Variants in DNM1 observed in about 807,000 individuals in gnomAD.
DNM1 encodes dynamin 1.
DNM1 carries 29 observed loss-of-function variants against 104.6 expected under a neutral mutation model. The ratio of observed to expected loss-of-function variants is 0.28; its 90% confidence interval spans 0.21 to 0.38. DNM1 has a LOEUF of 0.38. Among genes scored for constraint, DNM1 ranks in the 10% least tolerant of loss-of-function variants. DNM1 has a pLI of 1.00. For missense variants in DNM1, 640 were observed against 1,189.4 expected, an observed-to-expected ratio of 0.54 and a Z score of 6.79; for synonymous variants, 445 against 475.8, an observed-to-expected ratio of 0.94 and a Z score of 0.84.
Position 128,218,910 on chromosome 9 carries a change from C to A in DNM1, c.386-139C>A. The A allele has an allele frequency of 7.8e-7, 1 of 1,280,718 alleles. No individual in the cohort carries two copies. 79.3% of individuals were successfully genotyped at this position (1,280,718 alleles called of 1,614,324 possible). A position where few individuals can be genotyped will look rare whatever the true frequency, so the allele number is the denominator to read the frequency against. ...TCCGGCCACGCCTCCAACAGACTGC[C>A]ACTTTCGCCCTGAGATTTCCTAGTC... On this transcript the variant is annotated intron_variant, in intron 3 of 21. Coordinates refer to ENST00000372923, the MANE Select transcript of DNM1 (RefSeq NM_004408.4). The surrounding 1 kb of genome is among the most constrained non-coding windows in gnomAD (Gnocchi z 4.8).
rs1554773876 is a variant in DNM1 at position 128,220,885 on chromosome 9, T to TTTTTTCTTTC, written c.849+547_849+548insTTCTTTCTTT. 7.7e-5 allele frequency among the ~76,000 whole-genome samples: 9 copies of TTTTTTCTTTC among 117,604 alleles called. No individual in the cohort carries two copies. The highest frequency in any genetic ancestry group is 5.2e-4 in the East Asian group (2 of 3,810). The allele number at this position is 117,604 out of a possible 152,430, so 77.2% of individuals were successfully genotyped here. A position where few individuals can be genotyped will look rare whatever the true frequency, so the allele number is the denominator to read the frequency against. ...CCTCTATTTCTTTTTTCTTTATTTG[T>TTTTTTCTTTC]TTTCTTTCTTTCTTTCTTTCTTTCT... On this transcript the variant is annotated intron_variant, in intron 6 of 21. Transcript: ENST00000372923. This position sits in a 1 kb window ranked among gnomAD's most constrained non-coding sequence, Gnocchi z 5.2.
chr9:128,206,223 A>G (rs999698536), intron 1 of DNM1, among the ~76,000 whole-genome samples: 1 of 152,046 alleles, frequency 6.6e-6, no homozygotes, highest in African/African-American at 2.4e-5. Context: ...AGGAAAATGC[A>G]TCAGGGCTGC....
chr9:128,229,680 C>T (rs1003232758), intron 10 of DNM1, among the ~76,000 whole-genome samples: 29 of 149,918 alleles, frequency 1.9e-4, no homozygotes, highest in Non-Finnish European at 7.4e-5. Flanking sequence ...TTTGGGAGGC[C>T]GAGGCAGGTG....
intron 20 of DNM1, 62 bp from the exon 21 acceptor site, chr9:128,250,663 C>G (rs1829464844): frequency 9.7e-6 from 13 of 1,337,348 alleles, no homozygotes; most frequent in Non-Finnish European, 1.3e-5. Context: ...GGGGCGGGGC[C>G]TCTGGGTGGG....
chr9:128,237,835 G>A (rs1836109102), intron 11 of DNM1, among the ~76,000 whole-genome samples: 1 of 150,732 alleles, frequency 6.6e-6, no homozygotes, highest in African/African-American at 2.4e-5. Flanking sequence ...GTGCAGTGGT[G>A]CCATTATGGC....
At position 128,254,840 on chromosome 9, in the gene DNM1, T is replaced by C. The variant is rs1829756492; in HGVS notation, c.*126T>C. On this transcript the variant is annotated 3_prime_UTR_variant, in exon 22 of 22. Transcript: ENST00000372923. The surrounding 1 kb of genome is among the most constrained non-coding windows in gnomAD (Gnocchi z 6.1). ...TCATCTGTGACTTAATCTGTTGTAG[T>C]GGTGAGCTGATACATTCAGGTGTGA... is the stretch of plus-strand genomic sequence containing the variant. 2 of 784,748 alleles carry C rather than the reference T, an allele frequency of 2.5e-6. No homozygotes were observed. Among genetic ancestry groups the C allele is most frequent in the Admixed American group, 2.3e-5 (1 of 43,684 alleles). The allele number at this position is 784,748 out of a possible 1,614,324, so 48.6% of individuals were successfully genotyped here. A position where few individuals can be genotyped will look rare whatever the true frequency, so the allele number is the denominator to read the frequency against.
intron 1 of DNM1, among the ~76,000 whole-genome samples, chr9:128,207,102 G>A (rs1834015615): frequency 6.6e-6 from 1 of 152,100 alleles, no homozygotes; most frequent in Non-Finnish European, 1.5e-5. Flanking sequence ...TTTGACCTGA[G>A]CTCCTGGGTG....
Position 128,250,257 on chromosome 9 carries a change from G to A in DNM1, c.2219G>A (p.Ser740Asn), listed in dbSNP as rs1210291042. 6.2e-7 allele frequency: 1 copy of A among 1,613,810 alleles called. No individual in the cohort carries two copies. The highest frequency in any genetic ancestry group is 1.1e-5 in the South Asian group (1 of 91,052). ...RMYHALKEAL[S>N]IIGDINTTTV... Reference sequence around the variant, plus strand: ...TACCACGCACTGAAGGAGGCGCTCAGCATCATCGGCGACATCAACACGACC... The same window carrying A: ...TACCACGCACTGAAGGAGGCGCTCAACATCATCGGCGACATCAACACGACC... Residue 740 changes from serine (S) to asparagine (N), a missense_variant, in exon 20 of 22, where the codon AGC becomes AAC. By Grantham distance (46) the Ser-to-Asn change is conservative. Around this residue, in one of 7 missense-constraint regions of DNM1, gnomAD observed 129 missense variants for 224.6 expected, o/e 0.57. Coordinates refer to ENST00000372923, the MANE Select transcript of DNM1 (RefSeq NM_004408.4).
Position 128,253,210 on chromosome 9 carries a change from G to A in DNM1, c.2535-1444G>A, listed in dbSNP as rs1163859564. The A allele has an allele frequency of 9.6e-6, 14 of 1,458,686 alleles. No homozygotes were observed. Among genetic ancestry groups the A allele is most frequent in the Admixed American group, 1.7e-5 (1 of 57,904 alleles). The allele number at this position is 1,458,686 out of a possible 1,614,324, so 90.4% of individuals were successfully genotyped here. A position where few individuals can be genotyped will look rare whatever the true frequency, so the allele number is the denominator to read the frequency against. On this transcript the variant is annotated intron_variant, in intron 21 of 21. Coordinates refer to ENST00000372923, the MANE Select transcript of DNM1 (RefSeq NM_004408.4). This position sits in a 1 kb window ranked among gnomAD's most constrained non-coding sequence, Gnocchi z 5.9. ...GCTGCACTAGCTCCACACGGGGCGC[G>A]CACCTGGGACCTCAGAGCCAGGCTC...
chr9:128,253,915 A>T lies in DNM1; in HGVS notation c.2535-739A>T, dbSNP rs185071395. 1.6e-5 allele frequency: 20 copies of T among 1,226,992 alleles called. No individual in the cohort carries two copies. The African/African-American group carries it at 2.5e-4, about 15-fold the overall frequency. 76.0% of individuals were successfully genotyped at this position (1,226,992 alleles called of 1,614,324 possible). On this transcript the variant is annotated intron_variant, in intron 21 of 21. Coordinates refer to ENST00000372923, the MANE Select transcript of DNM1 (RefSeq NM_004408.4). This position sits in a 1 kb window ranked among gnomAD's most constrained non-coding sequence, Gnocchi z 5.9. ...TCACTTGTGCCATTCAGCCAAGGGG[A>T]CGACCGTGCCTGCTGGCCCAGCTGA...
chr9:128,248,791 G>A lies in DNM1; in HGVS notation c.2076+38G>A. The A allele has an allele frequency of 1.3e-6, 2 of 1,596,388 alleles. No individual in the cohort carries two copies. The highest frequency in any genetic ancestry group is 1.7e-4 in the Middle Eastern group (1 of 6,002). On this transcript the variant is annotated intron_variant, in intron 19 of 21. Transcript: ENST00000372923. This position sits in a 1 kb window ranked among gnomAD's most constrained non-coding sequence, Gnocchi z 5.6. Reference sequence around the variant, plus strand: ...CTGCATGGGGGCAGGGAAATCCTGTGGCACTGGGGATGCAGGTGGCCATGT... The same window carrying A: ...CTGCATGGGGGCAGGGAAATCCTGTAGCACTGGGGATGCAGGTGGCCATGT...
In DNM1 at chr9:128,253,306, C is replaced by A. The variant is rs1829645576; in HGVS notation, c.2535-1348C>A. The A allele has an allele frequency of 6.2e-6, 4 of 648,268 alleles. No individual in the cohort carries two copies. In the Admixed American group the frequency reaches 7.6e-5, roughly 12 times the overall value. The allele number at this position is 648,268 out of a possible 1,614,324, so 40.2% of individuals were successfully genotyped here. ...TGTCCTTGTGCCGCTGGCTCTCTCA[C>A]CTCCCTTCCCTGCGAGCCTCGGGAC... is the stretch of plus-strand genomic sequence containing the variant. On this transcript the variant is annotated intron_variant, in intron 21 of 21. Coordinates refer to ENST00000372923, the MANE Select transcript of DNM1 (RefSeq NM_004408.4). The surrounding 1 kb of genome is among the most constrained non-coding windows in gnomAD (Gnocchi z 5.9).
At chr9:128,244,275 C>T (rs1430029873) in intron 15 of DNM1, among the ~76,000 whole-genome samples, 1 of 150,720 alleles carries the variant, frequency 6.6e-6, no homozygotes, top group Non-Finnish European at 1.5e-5. Flanking sequence ...TGTGTGTGTC[C>T]GTGTGGGACA....
At position 128,247,493 on chromosome 9, in the gene DNM1, G is replaced by C. The variant is rs1157263142; in HGVS notation, c.1893+7G>C. The C allele has an allele frequency of 1.9e-6, 3 of 1,597,964 alleles. No homozygotes were observed. Among genetic ancestry groups the C allele is most frequent in the Non-Finnish European group, 2.6e-6 (3 of 1,167,458 alleles). The stretch of plus-strand genomic sequence containing the variant: ...GTACCCTGAGCGTGTTGGGGTGAGT[G>C]GCAGGGCAAGGAGAGGAAGGGCAAG... On this transcript the variant is annotated splice_region_variant and intron_variant, in intron 17 of 21. Coordinates refer to ENST00000372923, the MANE Select transcript of DNM1 (RefSeq NM_004408.4). The surrounding 1 kb of genome is among the most constrained non-coding windows in gnomAD (Gnocchi z 5.1).
chr9:128,235,490 T>C (rs1042057048), intron 11 of DNM1, among the ~76,000 whole-genome samples: 9 of 150,260 alleles, frequency 6.0e-5, no homozygotes, highest in African/African-American at 2.2e-4. Context: ...TGAGACTCCG[T>C]CTCAAAAAAA....
At chr9:128,242,409 C>T (rs932377695) in intron 15 of DNM1, 64 bp downstream of exon 15, 11 of 931,498 alleles carry the variant, frequency 1.2e-5, no homozygotes, top group Admixed American at 3.6e-5. Context: ...CTCAGACCCT[C>T]CCATGGGCTT....
rs1393058027 is a variant in DNM1, at chr9:128,224,393, ACCCGGAGG to A, written c.1335+10_1335+17del. On this transcript the variant is annotated splice_donor_5th_base_variant and intron_variant, in intron 10 of 21. Transcript: ENST00000372923. This position sits in a 1 kb window ranked among gnomAD's most constrained non-coding sequence, Gnocchi z 4.3. Reference sequence around the variant, plus strand: ...CGTTAGACAGTGCACCAAGAAGGTAACCCGGAGGCCCGGGCCAGCCCCCACCGCCTCTG... The same window carrying A: ...CGTTAGACAGTGCACCAAGAAGGTAACCCGGGCCAGCCCCCACCGCCTCTG... The A allele has an allele frequency of 6.2e-7, 1 of 1,605,576 alleles. No individual in the cohort carries two copies. The highest frequency in any genetic ancestry group is 8.5e-7 in the Non-Finnish European group (1 of 1,174,256).
intron 11 of DNM1, among the ~76,000 whole-genome samples, chr9:128,235,907 G>A (rs1402218998): frequency 2.6e-5 from 4 of 151,946 alleles, no homozygotes; most frequent in Non-Finnish European, 5.9e-5. Context: ...GTAGAGACGG[G>A]GGTCTCACTA....
In DNM1 at chr9:128,253,022, G is replaced by A; in HGVS notation, c.2535-1632G>A. 1.4e-6 allele frequency: 2 copies of A among 1,425,438 alleles called. No individual in the cohort carries two copies. Among genetic ancestry groups the A allele is most frequent in the Non-Finnish European group, 2.0e-6 (2 of 1,013,316 alleles). 88.3% of individuals were successfully genotyped at this position (1,425,438 alleles called of 1,614,324 possible). The stretch of plus-strand genomic sequence containing the variant: ...CATGTGTGTGCACGCCCGGGCGTGT[G>A]CGTGTGTGTGTCCCCCACCCCCAGG... On this transcript the variant is annotated intron_variant, in intron 21 of 21. Coordinates refer to ENST00000372923, the MANE Select transcript of DNM1 (RefSeq NM_004408.4). This position sits in a 1 kb window ranked among gnomAD's most constrained non-coding sequence, Gnocchi z 5.9.
Sources: allele counts gnomAD v4.1 joint callset (sites outside exome capture counted in the v4.1 genomes callset), GRCh38; gene constraint gnomAD v4.1.1; regional missense constraint gnomAD v4.1.1; non-coding constraint Gnocchi (gnomAD v3.1); transcripts MANE v1.5; gene names NCBI Gene and HGNC (gene_info 2026-07-23, HGNC 2026-07-21).